Variants in B3GALNT2 observed in about 807,000 individuals in gnomAD.
B3GALNT2 encodes UDP-GalNAc:beta-1,3-N-acetylgalactosaminyltransferase 2.
In B3GALNT2, 53 loss-of-function variants were observed where a neutral mutation model predicts 61.1. The ratio of observed to expected loss-of-function variants is 0.87; its 90% CI spans 0.70 to 1.09. The LOEUF (loss-of-function observed/expected upper bound fraction) is 1.09, where lower values mean the gene tolerates loss of function less well. Ranked by LOEUF, B3GALNT2 falls within the 50% of genes least tolerant of loss-of-function variation. The pLI, the probability that B3GALNT2 is intolerant of heterozygous loss-of-function variation, is 0.00. For synonymous variants in B3GALNT2, 223 were observed against 237.4 expected (o/e 0.94, Z 0.56); for missense variants, 544 against 623.0 (o/e 0.87, Z 1.35).
chr1:235,488,836 T>C (rs2102852957), intron 3 of B3GALNT2, among the ~76,000 whole-genome samples: 1 of 151,836 alleles, frequency 6.6e-6, no homozygotes, highest in East Asian at 1.9e-4. Flanking sequence ...GGTGGATCCC[T>C]TGAGGGTAAG....
intron 3 of B3GALNT2, among the ~76,000 whole-genome samples, chr1:235,486,522 C>T (rs183635034): frequency 2.0e-5 from 3 of 152,196 alleles, no homozygotes; most frequent in Non-Finnish European, 2.9e-5. Context: ...CCTTCTACCA[C>T]AGCCACAGTA....
At chr1:235,459,580 A>G (rs1483886351) in intron 7 of B3GALNT2, among the ~76,000 whole-genome samples, 1 of 152,126 alleles carries the variant, frequency 6.6e-6, no homozygotes, top group Non-Finnish European at 1.5e-5. Context: ...CTATGATTAC[A>G]CCACTGAACT....
In B3GALNT2 at chr1:235,459,023, ATGG is replaced by A. The variant is rs1683297226; in HGVS notation, c.842-240_842-238del. 2.6e-5 allele frequency among the ~76,000 whole-genome samples: 4 copies of A among 152,202 alleles called. No individual in the cohort carries two copies. The South Asian group carries it at 8.3e-4, about 32-fold the overall frequency. On this transcript the variant is annotated intron_variant, in intron 7 of 11. Transcript: ENST00000366600. ...TTTAGGCTGAAAATGTGTACACCTT[ATGG>A]TTCAGTTGAGGCCACTTGTAGATAT... is the stretch of plus-strand genomic sequence containing the variant.
intron 7 of B3GALNT2, among the ~76,000 whole-genome samples, chr1:235,461,480 G>T (rs1256721878): frequency 6.9e-6 from 1 of 145,734 alleles, no homozygotes; most frequent in Non-Finnish European, 1.5e-5. Context: ...ACCAGCCTTT[G>T]AGAAACACAG....
intron 7 of B3GALNT2, among the ~76,000 whole-genome samples, chr1:235,460,566 A>T (rs1572493717): frequency 6.7e-6 from 1 of 149,090 alleles, no homozygotes; most frequent in Non-Finnish European, 1.5e-5. Context: ...TGTATTTATG[A>T]TTATTTCCTT....
In B3GALNT2 at chr1:235,453,024, C is replaced by G; in HGVS notation, c.1368+66G>C. 5.0e-6 allele frequency: 7 copies of G among 1,397,070 alleles called. No individual in the cohort carries two copies. In the Admixed American group the frequency reaches 1.3e-4, roughly 27 times the overall value. 86.5% of individuals were successfully genotyped at this position (1,397,070 alleles called of 1,614,324 possible). A position where few individuals can be genotyped will look rare whatever the true frequency, so the allele number is the denominator to read the frequency against. On this transcript the variant is annotated intron_variant, in intron 11 of 11. Transcript: ENST00000366600. The stretch of plus-strand genomic sequence containing the variant: ...CCAGGCATTTTGGATAAAGAACACT[C>G]AACCTGTATATAGAAATCCACCTCC...
rs1039049872 is a variant in B3GALNT2 at position 235,447,197 on chromosome 1, C to T, written c.*3009G>A. ...TAAATTCTATTAACTGTATTCAATA[C>T]ATACAAAAAGGCCAGTTTTTATTCT... is the stretch of plus-strand genomic sequence containing the variant. On this transcript the variant is annotated 3_prime_UTR_variant, in exon 12 of 12. Transcript: ENST00000366600. Among the ~76,000 whole-genome samples, 1 of 152,104 alleles carries T rather than the reference C, an allele frequency of 6.6e-6. No individual in the cohort carries two copies. The highest frequency in any genetic ancestry group is 1.5e-5 in the Non-Finnish European group (1 of 68,032).
the B3GALNT2 span, chr1:235,441,926 T>A: frequency 1.4e-5 from 21 of 1,552,786 alleles, 1 homozygote; most frequent in South Asian, 2.4e-4. Flanking sequence ...TTTGAGTGCT[T>A]AGGTGCTGAA....
chr1:235,483,801 G>T (rs1684666790), intron 4 of B3GALNT2, among the ~76,000 whole-genome samples: 1 of 152,182 alleles, frequency 6.6e-6, no homozygotes, highest in Non-Finnish European at 1.5e-5. Context: ...ACATTTCCAT[G>T]CTGCTACTTC....
At chr1:235,453,894 G>A (rs1314822718) in intron 10 of B3GALNT2, among the ~76,000 whole-genome samples, 1 of 152,200 alleles carries the variant, frequency 6.6e-6, no homozygotes, top group Non-Finnish European at 1.5e-5. Context: ...AGAATAACGT[G>A]CTTTTCCCCA....
intron 5 of B3GALNT2, among the ~76,000 whole-genome samples, chr1:235,473,398 A>C (rs1684097316): frequency 6.6e-6 from 1 of 152,264 alleles, no homozygotes; most frequent in Non-Finnish European, 1.5e-5. Flanking sequence ...ACTTAGGATA[A>C]GGAACTGATA....
At chr1:235,470,570 C>A (rs1201763910) in intron 6 of B3GALNT2, among the ~76,000 whole-genome samples, 1 of 105,910 alleles carries the variant, frequency 9.4e-6, no homozygotes, top group African/African-American at 4.3e-5. Context: ...AAAGTGAGAC[C>A]CTCTCAAAAA....
intron 7 of B3GALNT2, chr1:235,463,593 C>T (rs1401017729): frequency 2.5e-5 from 3 of 120,704 alleles, no homozygotes; most frequent in African/African-American, 6.5e-5. Flanking sequence ...TTTTTTGAGA[C>T]GGAGTCTTGC....
chr1:235,474,422 C>T (rs1273881134), intron 5 of B3GALNT2, among the ~76,000 whole-genome samples: 1 of 152,196 alleles, frequency 6.6e-6, no homozygotes, highest in Non-Finnish European at 1.5e-5. Context: ...ATCCAAACAA[C>T]AGAGTAGCTT....
intron 1 of B3GALNT2, among the ~76,000 whole-genome samples, chr1:235,503,870 A>T (rs704719): frequency 1.3e-5 from 2 of 152,038 alleles, no homozygotes; most frequent in African/African-American, 4.8e-5. Flanking sequence ...GCCTGGGGAC[A>T]GGCGAAGGAC....
At chr1:235,470,465 A>T (rs1297067786) in intron 6 of B3GALNT2, among the ~76,000 whole-genome samples, 1 of 150,854 alleles carries the variant, frequency 6.6e-6, no homozygotes, top group African/African-American at 2.4e-5. Flanking sequence ...AGTGGTGCGC[A>T]CCTGTAGCCC....
chr1:235,483,426 T>C (rs1261587327), intron 4 of B3GALNT2, among the ~76,000 whole-genome samples: 1 of 152,138 alleles, frequency 6.6e-6, no homozygotes, highest in Non-Finnish European at 1.5e-5. Flanking sequence ...TAGCACGCCC[T>C]GAATAAAACA....
chr1:235,462,373 C>A (rs530552466), intron 7 of B3GALNT2, among the ~76,000 whole-genome samples: 26 of 152,202 alleles, frequency 1.7e-4, no homozygotes, highest in Admixed American at 5.9e-4. Context: ...CTAGCCAGGA[C>A]AATCAGATAA....
At chr1:235,477,067 A>C (rs1684324068) in intron 5 of B3GALNT2, among the ~76,000 whole-genome samples, 2 of 152,050 alleles carry the variant, frequency 1.3e-5, no homozygotes, top group South Asian at 2.1e-4. Flanking sequence ...GGGAAAAAAA[A>C]GTCTTAATAA....
Sources: gnomAD v4.1 joint callset for allele counts (sites outside exome capture counted in the v4.1 genomes callset) on GRCh38, gnomAD v4.1.1 for gene constraint, MANE v1.5 for transcripts, NCBI Gene and HGNC (gene_info 2026-07-23, HGNC 2026-07-21) for gene names.